WDPCP: variants seen among roughly 807,000 people sequenced by gnomAD.
WDPCP encodes WD repeat-containing and planar cell polarity effector protein fritz homolog.
WDPCP carries 71 observed loss-of-function variants against 93.1 expected under a neutral mutation model. That is an observed-to-expected ratio of 0.76 (90% CI 0.63 to 0.93). The LOEUF is 0.93. Ranked by LOEUF, WDPCP falls within the 40% of genes least tolerant of loss-of-function variation. WDPCP has a pLI of 0.00. For missense variants in WDPCP, 844 were observed against 887.4 expected (o/e 0.95, Z 0.62); for synonymous variants, 315 against 315.0 (o/e 1.00, Z 0.00).
At chr2:63,272,421 A>G (rs1411187727) in intron 13 of WDPCP, among the ~76,000 whole-genome samples, 1 of 152,242 alleles carries the variant, frequency 6.6e-6, no homozygotes, top group Non-Finnish European at 1.5e-5. Context: ...ATATCAACAT[A>G]AAGACACAAG....
At chr2:63,281,140 C>A (rs1683507481) in intron 13 of WDPCP, among the ~76,000 whole-genome samples, 3 of 151,336 alleles carry the variant, frequency 2.0e-5, no homozygotes, top group African/African-American at 4.9e-5. Flanking sequence ...GAAAAAAAAA[C>A]CCAACAATCC....
At chr2:63,721,971 T>C (rs1487569612) in intron 2 of WDPCP, among the ~76,000 whole-genome samples, 1 of 152,126 alleles carries the variant, frequency 6.6e-6, no homozygotes, top group Non-Finnish European at 1.5e-5. Flanking sequence ...CCGCAAGTGA[T>C]CCACCAGCCT....
chr2:63,454,297 T>C (rs958502591), intron 6 of WDPCP, among the ~76,000 whole-genome samples: 15 of 151,484 alleles, frequency 9.9e-5, no homozygotes, highest in African/African-American at 2.9e-4. Flanking sequence ...TAAGTGGGCA[T>C]TGAACAATGA....
At chr2:63,721,940 A>G (rs1358603546) in intron 2 of WDPCP, among the ~76,000 whole-genome samples, 3 of 152,030 alleles carry the variant, frequency 2.0e-5, no homozygotes, top group Non-Finnish European at 4.4e-5. Flanking sequence ...TGTGTTGGCC[A>G]GGCCGGTCTC....
intron 12 of WDPCP, among the ~76,000 whole-genome samples, chr2:63,324,800 C>A (rs1303421819): frequency 6.6e-6 from 1 of 152,142 alleles, no homozygotes; most frequent in Non-Finnish European, 1.5e-5. Flanking sequence ...ACTGGAGTCA[C>A]AAACATCTGT....
intron 10 of WDPCP, among the ~76,000 whole-genome samples, chr2:63,388,451 C>A (rs1041606691): frequency 6.6e-6 from 1 of 152,144 alleles, no homozygotes; most frequent in African/African-American, 2.4e-5. Context: ...GAAATCAGAA[C>A]AGAAAAGCTG....
chr2:63,350,640 G>A (rs1277376875), intron 12 of WDPCP, among the ~76,000 whole-genome samples: 1 of 152,088 alleles, frequency 6.6e-6, no homozygotes, highest in Non-Finnish European at 1.5e-5. Flanking sequence ...TTTCTTTGCA[G>A]GGCACAGTAT....
chr2:63,652,631 G>C (rs1710121392), intron 2 of WDPCP, among the ~76,000 whole-genome samples: 1 of 152,146 alleles, frequency 6.6e-6, no homozygotes, highest in African/African-American at 2.4e-5. Flanking sequence ...AAATGTTTTA[G>C]GCTTTCTGAG....
intron 13 of WDPCP, among the ~76,000 whole-genome samples, chr2:63,303,868 A>T (rs1488508578): frequency 6.6e-6 from 1 of 151,916 alleles, no homozygotes; most frequent in Admixed American, 6.5e-5. Context: ...GTCAATAAAC[A>T]TATGAAAAAA....
At chr2:63,414,091 A>C (rs1695226296) in intron 9 of WDPCP, among the ~76,000 whole-genome samples, 1 of 152,176 alleles carries the variant, frequency 6.6e-6, no homozygotes, top group African/African-American at 2.4e-5. Context: ...CCACATCACT[A>C]ATGATCAGGG....
intron 9 of WDPCP, among the ~76,000 whole-genome samples, chr2:63,433,375 G>A (rs929416704): frequency 2.0e-5 from 3 of 152,188 alleles, no homozygotes; most frequent in Non-Finnish European, 2.9e-5. Flanking sequence ...AGTCATAACA[G>A]TGAACAGTGA....
At chr2:63,530,863 C>T (rs1219161419) in intron 1 of WDPCP, among the ~76,000 whole-genome samples, 1 of 118,660 alleles carries the variant, frequency 8.4e-6, no homozygotes, top group Non-Finnish European at 1.7e-5. Flanking sequence ...GTGTAGCCCA[C>T]ACAGTGTGAG....
chr2:63,141,654 C>T (rs1453760925), intron 17 of WDPCP, among the ~76,000 whole-genome samples: 1 of 152,074 alleles, frequency 6.6e-6, no homozygotes, highest in Non-Finnish European at 1.5e-5. Flanking sequence ...ACAGAGGGTT[C>T]CTTCTTTCTC....
intron 16 of WDPCP, among the ~76,000 whole-genome samples, 155 bp downstream of exon 16, chr2:63,153,340 G>T (rs1466432471): frequency 1.3e-5 from 2 of 151,902 alleles, no homozygotes; most frequent in Admixed American, 6.6e-5. Flanking sequence ...TAATAATCAG[G>T]CAACTTGGTA....
At chr2:63,122,627 C>T (rs1669622809) in intron 17 of WDPCP, among the ~76,000 whole-genome samples, 1 of 152,092 alleles carries the variant, frequency 6.6e-6, no homozygotes, top group African/African-American at 2.4e-5. Context: ...TACAGAAAAA[C>T]AGAAGATCTT....
At chr2:63,717,581 A>T (rs72808205) in intron 2 of WDPCP, 7 of 524,206 alleles carry the variant, frequency 1.3e-5, no homozygotes, top group South Asian at 9.8e-5. Context: ...GATTCATGGT[A>T]TACCTGTCAG....
chr2:63,309,300 G>A (rs1685992078), intron 13 of WDPCP, among the ~76,000 whole-genome samples: 1 of 152,054 alleles, frequency 6.6e-6, no homozygotes, highest in Non-Finnish European at 1.5e-5. Context: ...TTTAAATACA[G>A]CAAGAAAAAT....
At chr2:63,341,794 G>A (rs1476411661) in intron 12 of WDPCP, among the ~76,000 whole-genome samples, 1 of 151,942 alleles carries the variant, frequency 6.6e-6, no homozygotes, top group African/African-American at 2.4e-5. Flanking sequence ...GTTCTTCTTT[G>A]CCTCATGTAA....
intron 1 of WDPCP, among the ~76,000 whole-genome samples, chr2:63,573,017 C>T (rs1707645125): frequency 6.6e-6 from 1 of 151,980 alleles, no homozygotes; most frequent in South Asian, 2.1e-4. Context: ...GAGGCCAAGG[C>T]AGGAGGACTG....
Sources: allele counts gnomAD v4.1 joint callset (sites outside exome capture counted in the v4.1 genomes callset), GRCh38; gene constraint gnomAD v4.1.1; transcripts MANE v1.5; gene names NCBI Gene and HGNC (gene_info 2026-07-23, HGNC 2026-07-21).